USP3: variants seen among roughly 807,000 people sequenced by gnomAD.
USP3 encodes the protein ubiquitin specific peptidase 3.
In USP3, 20 loss-of-function variants were observed where a neutral mutation model predicts 72.3. The ratio of observed to expected loss-of-function variants is 0.28; its 90% CI spans 0.19 to 0.40. The LOEUF (loss-of-function observed/expected upper bound fraction) is 0.40. Ranked by LOEUF, USP3 falls within the 10% of genes least tolerant of loss-of-function variation. USP3 has a pLI of 1.00. For missense variants in USP3, 479 were observed against 633.9 expected (o/e 0.76, Z 2.62); for synonymous variants, 222 against 225.3 (o/e 0.99, Z 0.13).
chr15:63,526,651 T>C (rs11630289), intron 1 of USP3, among the ~76,000 whole-genome samples: 74,117 of 152,008 alleles, frequency 0.49, 18,982 homozygotes, highest in Non-Finnish European at 0.56. Flanking sequence ...TGATTCCACA[T>C]ACTTCCCACA....
At chr15:63,562,627 G>A (rs1373720434) in intron 7 of USP3, among the ~76,000 whole-genome samples, 3 of 152,198 alleles carry the variant, frequency 2.0e-5, no homozygotes, top group African/African-American at 7.2e-5. Flanking sequence ...TGGTTTGCTT[G>A]CGTGTTTTAA....
intron 7 of USP3, among the ~76,000 whole-genome samples, chr15:63,562,119 G>A (rs934365624): frequency 7.2e-5 from 11 of 152,232 alleles, no homozygotes; most frequent in South Asian, 4.1e-4. Flanking sequence ...CCCCAACTCC[G>A]TCCTCATTCC....
At chr15:63,581,289 T>A (rs999328677) in intron 11 of USP3, among the ~76,000 whole-genome samples, 1 of 152,020 alleles carries the variant, frequency 6.6e-6, no homozygotes, top group Non-Finnish European at 1.5e-5. Flanking sequence ...ATCTAGATAG[T>A]CTTCCCCTTA....
intron 1 of USP3, among the ~76,000 whole-genome samples, chr15:63,516,966 G>T (rs1386577568): frequency 1.3e-5 from 2 of 149,740 alleles, no homozygotes; most frequent in Non-Finnish European, 3.0e-5. Context: ...TGGATGTTGG[G>T]TGTCCTGAGT....
rs1022281848 is a variant in USP3 at position 63,544,417 on chromosome 15, T to C, written c.284+7261T>C. 2.6e-6 allele frequency: 1 copy of C among 387,062 alleles called. No homozygotes were observed. Among genetic ancestry groups the C allele is most frequent in the African/African-American group, 2.1e-5 (1 of 48,452 alleles). 24.0% of individuals were successfully genotyped at this position (387,062 alleles called of 1,614,324 possible). The stretch of plus-strand genomic sequence containing the variant: ...AAGTAACTTTATTAACCAAAACTAG[T>C]GAAAGGGGAAGTAGCTGGATTTCAA... On this transcript the variant is annotated intron_variant, in intron 3 of 14. Transcript: ENST00000380324. This position sits in a 1 kb window ranked among gnomAD's most constrained non-coding sequence, Gnocchi z 4.2.
chr15:63,588,684 C>CGCAT lies in USP3; in HGVS notation c.1216-17_1216-14dup. ...AAATTAGGTGTTCACAATCTTTGAC[C>CGCAT]GCATCTCTGTCCTCCAGGTGCTATG... On this transcript the variant is annotated splice_polypyrimidine_tract_variant and intron_variant, in intron 12 of 14. Transcript: ENST00000380324. The surrounding 1 kb of genome is among the most constrained non-coding windows in gnomAD (Gnocchi z 4.6). 1 of 1,569,462 alleles carries CGCAT rather than the reference C, an allele frequency of 6.4e-7. No individual in the cohort carries two copies. The highest frequency in any genetic ancestry group is 8.8e-7 in the Non-Finnish European group (1 of 1,141,824).
rs2066467410 is a variant in USP3, at chr15:63,553,727, T to C, written c.297T>C (p.Asp99=). ...ATTTTCCTTGCAGTTATCGCTGTGA[T>C]GATTTTGTGGTTAATGACACCAAGC... is the stretch of plus-strand genomic sequence containing the variant. The part of the protein sequence containing the change: ...SSYSTYCYRC[D]DFVVNDTKLG... The change falls in exon 4 of 15, where the codon GAT becomes GAC. Residue 99 remains aspartate (D), a synonymous_variant. Transcript: ENST00000380324. This position sits in a 1 kb window ranked among gnomAD's most constrained non-coding sequence, Gnocchi z 4.2. 6.2e-7 allele frequency: 1 copy of C among 1,612,610 alleles called. No homozygotes were observed. The highest frequency in any genetic ancestry group is 8.5e-7 in the Non-Finnish European group (1 of 1,179,286).
chr15:63,548,112 A>G (rs2066379596), intron 3 of USP3, among the ~76,000 whole-genome samples: 1 of 149,580 alleles, frequency 6.7e-6, no homozygotes, highest in African/African-American at 2.5e-5. Flanking sequence ...CCCTGTCTCA[A>G]AAAAATAAAT....
intron 1 of USP3, among the ~76,000 whole-genome samples, chr15:63,524,084 A>G (rs774853937): frequency 1.3e-5 from 2 of 152,250 alleles, no homozygotes; most frequent in Non-Finnish European, 2.9e-5. Context: ...ATTGTTAGGA[A>G]TGATGTTTGT....
intron 3 of USP3, chr15:63,542,192 G>C (rs1306512670): frequency 1.0e-6 from 1 of 984,922 alleles, no homozygotes; most frequent in African/African-American, 1.7e-5. Context: ...CTGAGAAAGA[G>C]GTAGAGATTT....
chr15:63,528,962 A>G lies in USP3; in HGVS notation c.92-3685A>G, dbSNP rs2066025677. ...AGTGAATATTCCCCAAAGCAATGCC[A>G]TTTATTGGCTTCAGAATCCCTCATA... On this transcript the variant is annotated intron_variant, in intron 1 of 14. Transcript: ENST00000380324. This position sits in a 1 kb window ranked among gnomAD's most constrained non-coding sequence, Gnocchi z 4.3. 1 of 1,260,720 alleles carries G rather than the reference A, an allele frequency of 7.9e-7. No homozygotes were observed. Among genetic ancestry groups the G allele is most frequent in the Admixed American group, 2.4e-5 (1 of 42,460 alleles). 78.1% of individuals were successfully genotyped at this position (1,260,720 alleles called of 1,614,324 possible).
chr15:63,544,772 A>C lies in USP3; in HGVS notation c.284+7616A>C. The C allele has an allele frequency of 1.4e-6, 1 of 700,952 alleles. No homozygotes were observed. Among genetic ancestry groups the C allele is most frequent in the South Asian group, 1.5e-5 (1 of 67,408 alleles). 43.4% of individuals were successfully genotyped at this position (700,952 alleles called of 1,614,324 possible). On this transcript the variant is annotated intron_variant, in intron 3 of 14. Coordinates refer to ENST00000380324, the MANE Select transcript of USP3 (RefSeq NM_006537.4). The surrounding 1 kb of genome is among the most constrained non-coding windows in gnomAD (Gnocchi z 4.2). The stretch of plus-strand genomic sequence containing the variant: ...TATGGGATGAAAGCTTAACTCTAAA[A>C]CTAGAGCAGGTAACACTGAAGTGAA...
At chr15:63,577,712 A>G (rs1291448189) in intron 11 of USP3, among the ~76,000 whole-genome samples, 8 of 152,164 alleles carry the variant, frequency 5.3e-5, no homozygotes, top group South Asian at 2.1e-4. Flanking sequence ...AAATCGTGCA[A>G]CCGCACTCCA....
intron 1 of USP3, among the ~76,000 whole-genome samples, chr15:63,525,143 C>T (rs2065964048): frequency 6.6e-6 from 1 of 152,172 alleles, no homozygotes; most frequent in South Asian, 2.1e-4. Context: ...AAAAATTTTT[C>T]ATGGGAAAGT....
Position 63,565,850 on chromosome 15 carries a change from T to C in USP3, c.761+2842T>C, listed in dbSNP as rs543882398. Among the ~76,000 whole-genome samples the C allele has an allele frequency of 7.2e-5, 11 of 152,368 alleles. 1 individual carries two copies. Among genetic ancestry groups the C allele is most frequent in the African/African-American group, 1.9e-4 (8 of 41,592 alleles). On this transcript the variant is annotated intron_variant, in intron 8 of 14. Coordinates refer to ENST00000380324, the MANE Select transcript of USP3 (RefSeq NM_006537.4). ...TGCAGTGAGTAGTATTTTACATACA[T>C]GTGCAGGTATCTAAGAGAGAAAGTG...
chr15:63,531,732 A>G (rs982905342), intron 1 of USP3, among the ~76,000 whole-genome samples: 1 of 152,202 alleles, frequency 6.6e-6, no homozygotes, highest in African/African-American at 2.4e-5. Context: ...AGCATCTACA[A>G]CGTGCTAGGT....
In USP3 at chr15:63,593,142, C is replaced by T. The variant is rs1291465338; in HGVS notation, c.*2316C>T. ...TGTTTAGGTCTTACAACTTTGAGTC[C>T]TAAAAGATAATAGGGAGATGTGTGC... On this transcript the variant is annotated 3_prime_UTR_variant, in exon 15 of 15. Coordinates refer to ENST00000380324, the MANE Select transcript of USP3 (RefSeq NM_006537.4). 2.0e-5 allele frequency: 3 copies of T among 152,118 alleles called. No individual in the cohort carries two copies. The highest frequency in any genetic ancestry group is 7.2e-5 in the African/African-American group (3 of 41,412). 9.4% of individuals were successfully genotyped at this position (152,118 alleles called of 1,614,324 possible). A position where few individuals can be genotyped will look rare whatever the true frequency, so the allele number is the denominator to read the frequency against.
At chr15:63,578,982 T>G (rs1246025253) in intron 11 of USP3, among the ~76,000 whole-genome samples, 2 of 152,108 alleles carry the variant, frequency 1.3e-5, no homozygotes, top group Non-Finnish European at 2.9e-5. Flanking sequence ...CCCTCAATTT[T>G]TAAAAAATCA....
chr15:63,574,483 C>G lies in USP3; in HGVS notation c.1096+80C>G, dbSNP rs2066829847. 1 of 1,060,436 alleles carries G rather than the reference C, an allele frequency of 9.4e-7. No individual in the cohort carries two copies. The highest frequency in any genetic ancestry group is 1.7e-5 in the African/African-American group (1 of 60,154). 65.7% of individuals were successfully genotyped at this position (1,060,436 alleles called of 1,614,324 possible). A position where few individuals can be genotyped will look rare whatever the true frequency, so the allele number is the denominator to read the frequency against. Reference sequence around the variant, plus strand: ...GATAAGCTTCATCTATATGTGGTATCTTTAATTAATATCTTTAATGAATCT... The same window carrying G: ...GATAAGCTTCATCTATATGTGGTATGTTTAATTAATATCTTTAATGAATCT... On this transcript the variant is annotated intron_variant, in intron 11 of 14. Transcript: ENST00000380324. This position sits in a 1 kb window ranked among gnomAD's most constrained non-coding sequence, Gnocchi z 4.6.
Sources: gnomAD v4.1 joint callset for allele counts (sites outside exome capture counted in the v4.1 genomes callset) on GRCh38, gnomAD v4.1.1 for gene constraint, Gnocchi (gnomAD v3.1) non-coding constraint, MANE v1.5 for transcripts, NCBI Gene and HGNC (gene_info 2026-07-23, HGNC 2026-07-21) for gene names.